The following TNFRSF8 variants were observed in gnomAD, a reference collection of about 807,000 sequenced individuals.
TNFRSF8 encodes the protein tumor necrosis factor receptor superfamily member 8.
A neutral mutation model predicts 70.8 loss-of-function variants in TNFRSF8; 26 were observed. That is an observed-to-expected ratio of 0.37 (90% CI 0.27 to 0.51). TNFRSF8 has a LOEUF of 0.51. Ranked by LOEUF, TNFRSF8 falls within the 20% of genes least tolerant of loss-of-function variation. The pLI is 0.94. For synonymous variants in TNFRSF8, 356 were observed against 339.2 expected (o/e 1.05, Z -0.54); for missense variants, 720 against 807.9 (o/e 0.89, Z 1.32).
At position 12,076,103 on chromosome 1, in the gene TNFRSF8, CT is replaced by C. The variant is rs146740361; in HGVS notation, c.64-8347del. 3.6e-3 allele frequency among the ~76,000 whole-genome samples: 347 copies of C among 96,338 alleles called. 1 individual carries two copies. Among genetic ancestry groups the C allele is most frequent in the Non-Finnish European group, 4.1e-3 (223 of 53,898 alleles). 63.2% of individuals were successfully genotyped at this position (96,338 alleles called of 152,430 possible). A position where few individuals can be genotyped will look rare whatever the true frequency, so the allele number is the denominator to read the frequency against. On this transcript the variant is annotated intron_variant, in intron 1 of 14. Transcript: ENST00000263932. ...GTTTTATTCTTTTTTTTTTCTTTTT[CT>C]TTTTTTTTTTTTTGAGATGGGGTTT...
rs201551670 is a variant in TNFRSF8 at position 12,142,566 on chromosome 1, G to A, written c.*35G>A. On this transcript the variant is annotated 3_prime_UTR_variant, in exon 15 of 15. Coordinates refer to ENST00000263932, the MANE Select transcript of TNFRSF8 (RefSeq NM_001243.5). This position sits in a 1 kb window ranked among gnomAD's most constrained non-coding sequence, Gnocchi z 5.0. ...TGGGCTGGGGCTAGGAGGGCAGCAG[G>A]GTGGCCTCTGGGAGGCCAGGATGGC... 6.5e-7 allele frequency: 1 copy of A among 1,546,202 alleles called. No individual in the cohort carries two copies. The highest frequency in any genetic ancestry group is 2.4e-5 in the East Asian group (1 of 40,888).
At chr1:12,137,856 G>A (rs1642176306) in intron 13 of TNFRSF8, among the ~76,000 whole-genome samples, 1 of 151,916 alleles carries the variant, frequency 6.6e-6, no homozygotes, top group Non-Finnish European at 1.5e-5. Flanking sequence ...CTTATTGATG[G>A]TATAACCCTG....
chr1:12,079,751 C>A (rs962461391), intron 1 of TNFRSF8, among the ~76,000 whole-genome samples: 2 of 152,174 alleles, frequency 1.3e-5, no homozygotes, highest in Non-Finnish European at 1.5e-5. Context: ...AGCCCCTCCG[C>A]ACAGCAAGAA....
At chr1:12,105,547 T>TCTCA (rs1057166194) in intron 4 of TNFRSF8, among the ~76,000 whole-genome samples, 10 of 123,896 alleles carry the variant, frequency 8.1e-5, no homozygotes, top group East Asian at 5.1e-4. Flanking sequence ...TCTCTCTCTC[T>TCTCA]CTCACTCACT....
At chr1:12,123,456 G>A in intron 9 of TNFRSF8, 79 bp downstream of exon 9, 1 of 1,369,000 alleles carries the variant, frequency 7.3e-7, no homozygotes, top group Non-Finnish European at 1.0e-6. Flanking sequence ...ATGCCTGGGA[G>A]GCAGCTGGGC....
chr1:12,123,181 C>T (rs529669569), intron 8 of TNFRSF8, 103 bp from the exon 9 acceptor site: 56 of 923,724 alleles, frequency 6.1e-5, no homozygotes, highest in African/African-American at 3.8e-4. Context: ...TTAGCTCCCA[C>T]GGTGTTGCCT....
At position 12,123,838 on chromosome 1, in the gene TNFRSF8, C is replaced by T. The variant is rs774121822; in HGVS notation, c.1153+11C>T. On this transcript the variant is annotated intron_variant, in intron 10 of 14. Coordinates refer to ENST00000263932, the MANE Select transcript of TNFRSF8 (RefSeq NM_001243.5). ...CCGTTCTGGATGCAGGTAATGGTCC[C>T]AGCCCACTCACCCCTACTCCCAGCA... The T allele has an allele frequency of 2.6e-6, 4 of 1,552,358 alleles. No individual in the cohort carries two copies. Among genetic ancestry groups the T allele is most frequent in the South Asian group, 2.4e-5 (2 of 84,296 alleles).
chr1:12,129,387 G>C (rs911604740), intron 12 of TNFRSF8, among the ~76,000 whole-genome samples: 5 of 152,134 alleles, frequency 3.3e-5, no homozygotes, highest in South Asian at 4.1e-4. Context: ...GGTAAGGATC[G>C]TCAGAATTGG....
intron 1 of TNFRSF8, among the ~76,000 whole-genome samples, chr1:12,073,256 C>G (rs776342496): frequency 6.6e-6 from 1 of 152,146 alleles, no homozygotes; most frequent in Admixed American, 6.5e-5. Flanking sequence ...CCGCAAGGCC[C>G]TGTCTTAAAA....
intron 12 of TNFRSF8, among the ~76,000 whole-genome samples, chr1:12,132,049 C>T (rs1263574493): frequency 2.6e-5 from 4 of 152,154 alleles, no homozygotes; most frequent in Admixed American, 2.0e-4. Flanking sequence ...ACCTCAGCCT[C>T]CCAAAATACT....
At chr1:12,140,334 C>T (rs1205768560) in intron 14 of TNFRSF8, among the ~76,000 whole-genome samples, 3 of 152,188 alleles carry the variant, frequency 2.0e-5, no homozygotes, top group Non-Finnish European at 2.9e-5. Context: ...GGTAGCGTTC[C>T]CCCTTCCCAT....
intron 1 of TNFRSF8, among the ~76,000 whole-genome samples, chr1:12,082,977 A>G (rs1323311155): frequency 6.6e-6 from 1 of 152,196 alleles, no homozygotes; most frequent in Admixed American, 6.5e-5. Flanking sequence ...AGACAACCCA[A>G]TTAAAAAAAA....
intron 12 of TNFRSF8, 63 bp downstream of exon 12, chr1:12,126,299 C>G: frequency 1.3e-6 from 2 of 1,593,966 alleles, no homozygotes; most frequent in Non-Finnish European, 1.7e-6. Flanking sequence ...GCTCTGGGCC[C>G]GGGGCGTGGG....
At chr1:12,134,005 A>G (rs959093029) in intron 12 of TNFRSF8, among the ~76,000 whole-genome samples, 2 of 152,170 alleles carry the variant, frequency 1.3e-5, no homozygotes, top group Non-Finnish European at 2.9e-5. Flanking sequence ...GTGCCACTGC[A>G]CTCCAGCCTG....
intron 8 of TNFRSF8, among the ~76,000 whole-genome samples, chr1:12,122,085 G>T (rs906067278): frequency 2.0e-5 from 3 of 152,114 alleles, no homozygotes; most frequent in Non-Finnish European, 2.9e-5. Flanking sequence ...GTGAGGAGGG[G>T]CACTAGGGAA....
chr1:12,139,672 G>T (rs1028140750), intron 14 of TNFRSF8, among the ~76,000 whole-genome samples: 1 of 152,236 alleles, frequency 6.6e-6, no homozygotes, highest in African/African-American at 2.4e-5. Flanking sequence ...AGAGTCATTT[G>T]TAATTGTCCT....
rs11569868 is a variant in TNFRSF8, at chr1:12,109,037, C to T, written c.422-529C>T. On this transcript the variant is annotated intron_variant, in intron 4 of 14. Transcript: ENST00000263932. The surrounding 1 kb of genome is among the most constrained non-coding windows in gnomAD (Gnocchi z 4.4). ...TAGCTCTGAGAAGCTTCAGGCATGG[C>T]TGGATCCAGGGCTCCATCTTGCCCC... 8.9e-4 allele frequency among the ~76,000 whole-genome samples: 136 copies of T among 152,334 alleles called. 2 individuals carry two copies. In the East Asian group the frequency reaches 0.02, roughly 23 times the overall value.
chr1:12,084,642 G>A (rs1570000114), intron 2 of TNFRSF8, 91 bp downstream of exon 2: 2 of 1,212,806 alleles, frequency 1.6e-6, no homozygotes, highest in East Asian at 2.5e-5. Context: ...GGAAATTGGA[G>A]CCAACCGTCA....
chr1:12,065,032 T>G (rs1048664185), intron 1 of TNFRSF8, among the ~76,000 whole-genome samples: 2 of 150,068 alleles, frequency 1.3e-5, no homozygotes, highest in Non-Finnish European at 2.9e-5. Context: ...TTGTCCAGGC[T>G]GGAGTGCGAT....
Sources: gnomAD v4.1 joint callset for allele counts (sites outside exome capture counted in the v4.1 genomes callset) on GRCh38, gnomAD v4.1.1 for gene constraint, Gnocchi (gnomAD v3.1) non-coding constraint, MANE v1.5 for transcripts, NCBI Gene and HGNC (gene_info 2026-07-23, HGNC 2026-07-21) for gene names.